The following SEC24D variants were observed in gnomAD, a reference collection of about 807,000 sequenced individuals.
The protein encoded by SEC24D is SEC24 homolog D, COPII component.
Under a neutral mutation model 116.9 loss-of-function variants are expected in SEC24D, and 69 were observed. That is an observed-to-expected ratio of 0.59 (90% CI 0.49 to 0.72). The LOEUF (loss-of-function observed/expected upper bound fraction) is 0.72, where lower values mean the gene tolerates loss of function less well. SEC24D is among the 30% of genes least tolerant of loss of function. The pLI, the probability that SEC24D is intolerant of heterozygous loss-of-function variation, is 0.00. For synonymous variants in SEC24D, 405 were observed against 442.8 expected, an observed-to-expected ratio of 0.91 and a Z score of 1.07; for missense variants, 1,131 against 1,264.1, an observed-to-expected ratio of 0.89 and a Z score of 1.60.
intron 19 of SEC24D, chr4:118,733,185 T>G (rs1006193070): frequency 3.2e-5 from 8 of 251,202 alleles, no homozygotes; most frequent in African/African-American, 1.1e-4. Flanking sequence ...CAATCCCAGC[T>G]CTGTCTTTTA....
chr4:118,780,907 C>CTTTT (rs143712578), intron 8 of SEC24D, among the ~76,000 whole-genome samples: 33 of 61,854 alleles, frequency 5.3e-4, no homozygotes, highest in Middle Eastern at 0.01. Flanking sequence ...GCAACCCCTG[C>CTTTT]TTTTTTTTTT....
rs561387908 is a variant in SEC24D, at chr4:118,760,963, C to T, written c.1297-3118G>A. Among the ~76,000 whole-genome samples the T allele has an allele frequency of 1.7e-3, 262 of 152,006 alleles. 1 individual carries two copies. The highest frequency in any genetic ancestry group is 3.4e-3 in the Non-Finnish European group (228 of 67,952). On this transcript the variant is annotated intron_variant, in intron 10 of 22. Coordinates refer to ENST00000280551, the MANE Select transcript of SEC24D (RefSeq NM_014822.4). ...CAAACTCCTGACCTCGTGATCTGCC[C>T]GCCTTGGCCTCCTGAAGTGCTGGGA...
intron 8 of SEC24D, among the ~76,000 whole-genome samples, chr4:118,789,709 C>A (rs1435795483): frequency 6.6e-6 from 1 of 152,136 alleles, no homozygotes; most frequent in Non-Finnish European, 1.5e-5. Context: ...CTCAGCCTCC[C>A]GAGTAGCTGG....
chr4:118,765,151 C>G (rs1727584116), intron 9 of SEC24D, among the ~76,000 whole-genome samples: 1 of 152,138 alleles, frequency 6.6e-6, no homozygotes, highest in South Asian at 2.1e-4. Flanking sequence ...TTTAGACCAT[C>G]CTAGAGAAAC....
chr4:118,773,425 G>GC (rs1006465019), intron 8 of SEC24D, among the ~76,000 whole-genome samples: 3 of 151,608 alleles, frequency 2.0e-5, no homozygotes, highest in Non-Finnish European at 4.4e-5. Flanking sequence ...GGAAATCACT[G>GC]TAAATGTATC....
chr4:118,765,037 G>A, intron 9 of SEC24D, 120 bp from the exon 10 acceptor site: 2 of 631,752 alleles, frequency 3.2e-6, no homozygotes, highest in Non-Finnish European at 5.6e-6. Flanking sequence ...GTATTTTAAA[G>A]CTGGAATGTA....
At chr4:118,833,262 T>C (rs1366108316) in intron 2 of SEC24D, 1 of 185,904 alleles carries the variant, frequency 5.4e-6, no homozygotes, top group Non-Finnish European at 1.1e-5. Flanking sequence ...CATTTATAAA[T>C]TTAATTCTTT....
chr4:118,834,466 A>G (rs114924396), intron 1 of SEC24D, among the ~76,000 whole-genome samples: 4,761 of 152,304 alleles, frequency 0.031, 125 homozygotes, highest in Non-Finnish European at 0.049. Context: ...CATCACAAAT[A>G]TAACAGACTC....
intron 11 of SEC24D, among the ~76,000 whole-genome samples, chr4:118,756,231 T>C (rs1172572584): frequency 6.6e-6 from 1 of 152,114 alleles, no homozygotes; most frequent in Non-Finnish European, 1.5e-5. Context: ...ATACATCATA[T>C]TCAGCAGAAA....
intron 13 of SEC24D, among the ~76,000 whole-genome samples, chr4:118,749,682 T>C (rs1348380077): frequency 6.6e-6 from 1 of 152,156 alleles, no homozygotes; most frequent in Non-Finnish European, 1.5e-5. Context: ...TAAAAAAATA[T>C]AACCAACGAA....
In SEC24D at chr4:118,738,407, T is replaced by A. The variant is rs752502425; in HGVS notation, c.2378-28A>T. The A allele has an allele frequency of 1.6e-5, 23 of 1,472,942 alleles. No individual in the cohort carries two copies. In the Admixed American group the frequency reaches 2.2e-4, roughly 14 times the overall value. The allele number at this position is 1,472,942 out of a possible 1,614,324, so 91.2% of individuals were successfully genotyped here. Reference sequence around the variant, plus strand: ...ACATCACAAAACAATGAAAAGGACATGAGTTTTAGCTCAGACACTGATCTC... The same window carrying A: ...ACATCACAAAACAATGAAAAGGACAAGAGTTTTAGCTCAGACACTGATCTC... On this transcript the variant is annotated intron_variant, in intron 18 of 22. Transcript: ENST00000280551.
intron 7 of SEC24D, among the ~76,000 whole-genome samples, chr4:118,805,158 G>A (rs1198518743): frequency 1.3e-5 from 2 of 152,178 alleles, no homozygotes; most frequent in African/African-American, 4.8e-5. Context: ...ACAGAGGATA[G>A]AGAGAGGATC....
chr4:118,738,225 T>C (rs1560613885), intron 19 of SEC24D, 36 bp downstream of exon 19: 1 of 1,382,428 alleles, frequency 7.2e-7, no homozygotes, highest in South Asian at 1.2e-5. Flanking sequence ...TAGTCGTTTG[T>C]AACACTTTAA....
In SEC24D at chr4:118,797,684, T is replaced by C. The variant is rs1430007449; in HGVS notation, c.1040A>G (p.Glu347Gly). 1 of 1,595,198 alleles carries C rather than the reference T, an allele frequency of 6.3e-7. No individual in the cohort carries two copies. Among genetic ancestry groups the C allele is most frequent in the Non-Finnish European group, 8.6e-7 (1 of 1,169,026 alleles). ...IKPFATIPSN[E>G]SPLYLVNHGE... ...ATTGCTATTATATATCATTCTTACC[T>C]CATTTGAAGGAATGGTGGCAAAGGG... Residue 347 changes from glutamate (E) to glycine (G), a missense_variant and splice_region_variant, in exon 8 of 23, where the codon GAG becomes GGG. Coordinates refer to ENST00000280551, the MANE Select transcript of SEC24D (RefSeq NM_014822.4).
intron 8 of SEC24D, among the ~76,000 whole-genome samples, chr4:118,784,148 G>A (rs1348934670): frequency 6.6e-6 from 1 of 152,102 alleles, no homozygotes; most frequent in East Asian, 1.9e-4. Context: ...TGGGCACACA[G>A]CCAAAAATCA....
intron 8 of SEC24D, among the ~76,000 whole-genome samples, chr4:118,780,906 G>GATTTTTTTTTTTTTTTTT (rs1728368824): frequency 2.8e-5 from 3 of 106,118 alleles, no homozygotes; most frequent in Non-Finnish European, 3.8e-5. Flanking sequence ...TGCAACCCCT[G>GATTTTTTTTTTTTTTTTT]CTTTTTTTTT....
intron 8 of SEC24D, chr4:118,769,746 CT>C (rs1466098841): frequency 6.6e-5 from 10 of 152,162 alleles, no homozygotes; most frequent in African/African-American, 1.2e-4. Context: ...CTGCAATGCC[CT>C]CTTCCCCGCA....
intron 9 of SEC24D, among the ~76,000 whole-genome samples, chr4:118,765,480 G>A (rs573924812): frequency 3.9e-5 from 6 of 152,208 alleles, no homozygotes; most frequent in Admixed American, 6.5e-5. Flanking sequence ...TGATTCAAAT[G>A]TCTAAGAAGG....
chr4:118,810,130 GT>G lies in SEC24D; in HGVS notation c.802-4177del, dbSNP rs1560737261. On this transcript the variant is annotated intron_variant, in intron 6 of 22. Transcript: ENST00000280551. Reference sequence around the variant, plus strand: ...TGTGTGTGTGTGTGTGTGTGTGTGTGTGTGTGTCAGAGGGTATAGGGGAGCC... The same window carrying G: ...TGTGTGTGTGTGTGTGTGTGTGTGTGGTGTGTCAGAGGGTATAGGGGAGCC... 2.0e-3 allele frequency among the ~76,000 whole-genome samples: 250 copies of G among 124,488 alleles called. 10 individuals are homozygous for G. Among genetic ancestry groups the G allele is most frequent in the Middle Eastern group, 0.013 (3 of 236 alleles). The allele number at this position is 124,488 out of a possible 152,430, so 81.7% of individuals were successfully genotyped here.
Sources: gnomAD v4.1 joint callset for allele counts (sites outside exome capture counted in the v4.1 genomes callset) on GRCh38, gnomAD v4.1.1 for gene constraint, MANE v1.5 for transcripts, NCBI Gene and HGNC (gene_info 2026-07-23, HGNC 2026-07-21) for gene names.